The following JMJD1C variants were observed in gnomAD, a reference collection of about 807,000 sequenced individuals.
JMJD1C encodes the protein jumonji domain-containing protein 1C.
Under a neutral mutation model 245.3 loss-of-function variants are expected in JMJD1C, and 31 were observed. That is an observed-to-expected ratio of 0.13 (90% CI 0.09 to 0.17). JMJD1C has a LOEUF of 0.17. Ranked by LOEUF, JMJD1C falls within the 10% of genes least tolerant of loss-of-function variation. The probability of loss-of-function intolerance (pLI) is 1.00; values close to 1 mark genes in which losing one functional copy is unlikely to be tolerated. For missense variants in JMJD1C, 2,691 were observed against 3,000.2 expected (o/e 0.90, Z 2.41); for synonymous variants, 1,057 against 1,017.4 (o/e 1.04, Z -0.74).
In JMJD1C at chr10:63,494,306, C is replaced by T. The variant is rs532385668; in HGVS notation, n.113+27432G>A. On this transcript the variant is annotated intron_variant and non_coding_transcript_variant, in intron 1 of 3. Coordinates refer to the JMJD1C transcript ENST00000633035. ...AGCCTGGGCAACATAAACGAAACTC[C>T]GTCTCAAAAAAAAAAAAAAGTTTGG... Among the ~76,000 whole-genome samples the T allele has an allele frequency of 3.4e-5, 5 of 148,690 alleles. No individual in the cohort carries two copies. In the South Asian group the frequency reaches 8.4e-4, roughly 25 times the overall value.
At chr10:63,468,230 T>G (rs758490960), upstream of JMJD1C, among the ~76,000 whole-genome samples, 20 of 152,336 alleles carry the variant, frequency 1.3e-4, no homozygotes, top group Non-Finnish European at 2.8e-4. Flanking sequence ...GTCCAAATTC[T>G]CTTCTACTAA....
intron 1 of JMJD1C, among the ~76,000 whole-genome samples, chr10:63,438,813 C>G (rs1310391913): frequency 6.6e-6 from 1 of 152,172 alleles, no homozygotes; most frequent in East Asian, 1.9e-4. Context: ...GTCACCTACT[C>G]GGAGAGGCAT....
At chr10:63,518,225 G>C (rs182167205) in intron 1 of JMJD1C, among the ~76,000 whole-genome samples, 1 of 152,160 alleles carries the variant, frequency 6.6e-6, no homozygotes, top group Non-Finnish European at 1.5e-5. Context: ...CTTTTCATGA[G>C]AGACTCTTCT....
intron 1 of JMJD1C, among the ~76,000 whole-genome samples, chr10:63,430,177 A>C (rs1318144049): frequency 6.6e-6 from 1 of 152,238 alleles, no homozygotes; most frequent in East Asian, 1.9e-4. Flanking sequence ...ACTTCACACC[A>C]TATACAAAAC....
intron 3 of JMJD1C, among the ~76,000 whole-genome samples, chr10:63,257,736 G>A (rs10822150): frequency 0.67 from 101,673 of 152,106 alleles, 36,441 homozygotes; most frequent in Non-Finnish European, 0.81. Context: ...TACCACCACA[G>A]TACAGTTTTG....
chr10:63,385,805 C>G (rs9415700), intron 1 of JMJD1C, among the ~76,000 whole-genome samples: 1 of 151,584 alleles, frequency 6.6e-6, no homozygotes, highest in African/African-American at 2.4e-5. Context: ...AAGCAAACTA[C>G]GATAAAAAAT....
At chr10:63,518,888 T>G (rs1049424610) in intron 1 of JMJD1C, among the ~76,000 whole-genome samples, 5 of 152,192 alleles carry the variant, frequency 3.3e-5, no homozygotes, top group African/African-American at 1.2e-4. Context: ...CCGCTATCTA[T>G]CCCAGTATAA....
rs1260769673 is a variant in JMJD1C, at chr10:63,450,257, C to T, written c.168+15238G>A. ...GCAATTAAAGCCAGGTGCAGAGGTACCCATCTGTAGTTCCTGCTAATTGGA... is the reference window on the plus strand; with the variant it reads ...GCAATTAAAGCCAGGTGCAGAGGTATCCATCTGTAGTTCCTGCTAATTGGA... On this transcript the variant is annotated intron_variant, in intron 1 of 25. Transcript: ENST00000399262. Among the ~76,000 whole-genome samples, 9 of 151,668 alleles carry T rather than the reference C, an allele frequency of 5.9e-5. 1 individual carries two copies. The highest frequency in any genetic ancestry group is 1.3e-4 in the Non-Finnish European group (9 of 67,952).
intron 1 of JMJD1C, among the ~76,000 whole-genome samples, chr10:63,455,375 A>T (rs762593079): frequency 6.6e-6 from 1 of 152,220 alleles, no homozygotes; most frequent in Non-Finnish European, 1.5e-5. Flanking sequence ...GGGACACTGG[A>T]ATACAAGAAA....
chr10:63,490,381 T>C (rs1954128789), intron 1 of JMJD1C, among the ~76,000 whole-genome samples: 1 of 152,044 alleles, frequency 6.6e-6, no homozygotes, highest in South Asian at 2.1e-4. Context: ...ATTTATTTCC[T>C]TCACAGCACT....
intron 2 of JMJD1C, among the ~76,000 whole-genome samples, chr10:63,285,264 C>A (rs943311320): frequency 3.9e-5 from 6 of 152,208 alleles, no homozygotes; most frequent in Non-Finnish European, 8.8e-5. Flanking sequence ...AGAACCCAGA[C>A]TGGGACAGGA....
At chr10:63,520,867 G>A (rs2133317889) in intron 1 of JMJD1C, among the ~76,000 whole-genome samples, 1 of 152,302 alleles carries the variant, frequency 6.6e-6, no homozygotes, top group Middle Eastern at 3.4e-3. Flanking sequence ...ACGGAGGCCT[G>A]TGCAAGAACC....
intron 1 of JMJD1C, among the ~76,000 whole-genome samples, chr10:63,496,373 A>G (rs1954367846): frequency 6.6e-6 from 1 of 152,322 alleles, no homozygotes; most frequent in South Asian, 2.1e-4. Flanking sequence ...AGAAAAAAAA[A>G]TAAGATAATT....
intron 1 of JMJD1C, among the ~76,000 whole-genome samples, chr10:63,435,465 G>A (rs983718801): frequency 3.9e-5 from 6 of 152,142 alleles, no homozygotes; most frequent in Non-Finnish European, 7.3e-5. Context: ...ACAGCAAATA[G>A]TCCAAGAAAT....
At chr10:63,521,789 GGCGACTGCGGCT>G (rs1177127112) in exon 1 of JMJD1C, 2 of 322,096 alleles carry the variant, frequency 6.2e-6, no homozygotes, top group Non-Finnish European at 1.1e-5. Flanking sequence ...GCCTAGCTGC[GGCGACTGCGGCT>G]GCGACGGCGG....
chr10:63,193,537 T>C, intron 14 of JMJD1C, 65 bp from the exon 15 acceptor site: 2 of 1,193,356 alleles, frequency 1.7e-6, no homozygotes, highest in South Asian at 3.2e-5. Context: ...AAAATTTTTT[T>C]CTTACAATAT....
At chr10:63,352,753 G>T (rs752028722) in intron 2 of JMJD1C, among the ~76,000 whole-genome samples, 1 of 152,100 alleles carries the variant, frequency 6.6e-6, no homozygotes, top group Non-Finnish European at 1.5e-5. Flanking sequence ...AACAAGAGAG[G>T]TTTGAAATGC....
chr10:63,360,422 T>C (rs1008734725), intron 2 of JMJD1C, among the ~76,000 whole-genome samples: 2 of 152,232 alleles, frequency 1.3e-5, no homozygotes, highest in South Asian at 2.1e-4. Context: ...AGGTATTATA[T>C]ACCTAATCTA....
At chr10:63,521,485 G>A (rs1043340894) in intron 1 of JMJD1C, 59 of 1,217,046 alleles carry the variant, frequency 4.8e-5, no homozygotes, top group Non-Finnish European at 5.6e-5. Context: ...GCCGTTGGCG[G>A]CCTGGTCCGC....
Sources: allele counts gnomAD v4.1 joint callset (sites outside exome capture counted in the v4.1 genomes callset), GRCh38; gene constraint gnomAD v4.1.1; transcripts MANE v1.5; gene names NCBI Gene and HGNC (gene_info 2026-07-23, HGNC 2026-07-21).